The following CXXC4 variants were observed in gnomAD, a reference collection of about 807,000 sequenced individuals.
CXXC4 encodes CXXC finger protein 4, also known as CXXC-type zinc finger protein 4.
In CXXC4, 5 loss-of-function variants were observed where a neutral mutation model predicts 20.5. The ratio of observed to expected loss-of-function variants is 0.24; its 90% CI spans 0.13 to 0.51. CXXC4 has a LOEUF of 0.51. Among genes scored for constraint, CXXC4 ranks in the 20% least tolerant of loss-of-function variants. The pLI is 0.97. For missense variants in CXXC4, 419 were observed against 496.4 expected (o/e 0.84, Z 1.48); for synonymous variants, 250 against 216.4 (o/e 1.16, Z -1.36).
At chr4:104,486,280 A>G (rs1162580463) in intron 2 of CXXC4, among the ~76,000 whole-genome samples, 2 of 152,086 alleles carry the variant, frequency 1.3e-5, no homozygotes, top group Admixed American at 6.5e-5. Flanking sequence ...GTACAACATG[A>G]TATTTTGAAG....
At chr4:104,477,998 G>A (rs953994214) in intron 2 of CXXC4, among the ~76,000 whole-genome samples, 1 of 152,026 alleles carries the variant, frequency 6.6e-6, no homozygotes, top group Non-Finnish European at 1.5e-5. Flanking sequence ...TTTAAAAAGG[G>A]GAAAGCACCA....
Position 104,491,993 on chromosome 4 carries a change from G to T in CXXC4, c.-191C>A. 1 of 405,892 alleles carries T rather than the reference G, an allele frequency of 2.5e-6. No individual in the cohort carries two copies. The highest frequency in any genetic ancestry group is 4.3e-6 in the Non-Finnish European group (1 of 230,016). The allele number at this position is 405,892 out of a possible 1,614,324, so 25.1% of individuals were successfully genotyped here. A position where few individuals can be genotyped will look rare whatever the true frequency, so the allele number is the denominator to read the frequency against. ...GAGGGCTGCTTTATTCCTCTCTGGG[G>T]CTCATTTCCACAGACGGTGAATTCC... is the stretch of plus-strand genomic sequence containing the variant. On this transcript the variant is annotated 5_prime_UTR_variant, in exon 2 of 3. Transcript: ENST00000394767.
At position 104,491,568 on chromosome 4, in the gene CXXC4, C is replaced by T. The variant is rs1342319279; in HGVS notation, c.235G>A (p.Ala79Thr). 1 of 1,472,972 alleles carries T rather than the reference C, an allele frequency of 6.8e-7. No homozygotes were observed. The highest frequency in any genetic ancestry group is 9.1e-7 in the Non-Finnish European group (1 of 1,104,704). 91.2% of individuals were successfully genotyped at this position (1,472,972 alleles called of 1,614,324 possible). A position where few individuals can be genotyped will look rare whatever the true frequency, so the allele number is the denominator to read the frequency against. ...PIFPSSAAAA[A>T]AAARIGMSPW... is the part of the protein sequence containing the mutation. Reference sequence around the variant, plus strand: ...GACATGCCGATGCGCGCGGCGGCCGCGGCGGCGGCGGCGCTGCTGGGGAAG... The same window carrying T: ...GACATGCCGATGCGCGCGGCGGCCGTGGCGGCGGCGGCGCTGCTGGGGAAG... Residue 79 changes from alanine (A) to threonine (T), a missense_variant, in exon 2 of 3, where the codon GCG (alanine) becomes ACG (threonine). Ala to Thr is a moderately conservative substitution (Grantham distance 58, BLOSUM62 0). Transcript: ENST00000394767.
At chr4:104,475,033 AT>A (rs1304906302) in intron 2 of CXXC4, 1 of 152,150 alleles carries the variant, frequency 6.6e-6, no homozygotes. Flanking sequence ...AGCAGTACAA[AT>A]TAATTAAACA....
intron 2 of CXXC4, among the ~76,000 whole-genome samples, chr4:104,484,720 C>CT (rs1168796330): frequency 1.3e-5 from 2 of 151,978 alleles, no homozygotes; most frequent in African/African-American, 4.8e-5. Flanking sequence ...AACAAGCCTG[C>CT]TGGGATCCTT....
chr4:104,486,814 T>G (rs1000888015), intron 2 of CXXC4, among the ~76,000 whole-genome samples: 2 of 152,150 alleles, frequency 1.3e-5, no homozygotes, highest in Non-Finnish European at 2.9e-5. Context: ...CTATTTTACA[T>G]CTGGTCTACA....
chr4:104,493,581 A>AT (rs1418524840), intron 1 of CXXC4, among the ~76,000 whole-genome samples: 2 of 152,340 alleles, frequency 1.3e-5, no homozygotes, highest in South Asian at 2.1e-4. Context: ...GTAAATCAAG[A>AT]TAAGGAACCT....
At chr4:104,486,700 T>G (rs770184515) in intron 2 of CXXC4, among the ~76,000 whole-genome samples, 2 of 152,136 alleles carry the variant, frequency 1.3e-5, no homozygotes, top group African/African-American at 4.8e-5. Flanking sequence ...CACAAAACAT[T>G]TGCATTTTAT....
chr4:104,474,555 C>G (rs979939234), intron 2 of CXXC4, among the ~76,000 whole-genome samples: 1 of 151,898 alleles, frequency 6.6e-6, no homozygotes, highest in Non-Finnish European at 1.5e-5. Flanking sequence ...AGTATGCACA[C>G]TTATATAAAT....
rs1291463076 is a variant in CXXC4, at chr4:104,491,458, C to CCCG, written c.342_344dup (p.Gly134dup). ...CGCCGCCGCCGCCGCCGCCACCCCC[C>CCCG]CCGCCGCCGCCCCCGCCCCCGCCGC... On this transcript the variant is annotated inframe_insertion, in exon 2 of 3. Coordinates refer to ENST00000394767, the MANE Select transcript of CXXC4 (RefSeq NM_025212.4). 37 of 885,096 alleles carry CCCG rather than the reference C, an allele frequency of 4.2e-5. No individual in the cohort carries two copies. Among genetic ancestry groups the CCCG allele is most frequent in the Non-Finnish European group, 5.0e-5 (36 of 717,706 alleles). The allele number at this position is 885,096 out of a possible 1,614,324, so 54.8% of individuals were successfully genotyped here.
At position 104,470,414 on chromosome 4, in the gene CXXC4, A is replaced by G. The variant is rs1189110480; in HGVS notation, c.*1908T>C. ...ACTGTGGACCATGTATTCATACTCT[A>G]CGTGAGGTAAGTCACACTTGATTTT... On this transcript the variant is annotated 3_prime_UTR_variant, in exon 3 of 3. Transcript: ENST00000394767. 6.6e-6 allele frequency: 1 copy of G among 152,028 alleles called. No individual in the cohort carries two copies. The highest frequency in any genetic ancestry group is 1.5e-5 in the Non-Finnish European group (1 of 67,964). The allele number at this position is 152,028 out of a possible 1,614,324, so 9.4% of individuals were successfully genotyped here.
rs1216455587 is a variant in CXXC4 at position 104,491,676 on chromosome 4, G to A, written c.127C>T (p.Arg43Cys). Residue 43 changes from arginine (R) to cysteine (C), a missense_variant, in exon 2 of 3, where the codon CGC (arginine) becomes TGC (cysteine). This residue lies in a region of CXXC4 where 388 missense variants were observed against 416.0 expected (regional missense o/e 0.93). Transcript: ENST00000394767. ...VDYNSEMERY[R>C]SFATSFYKTN... ...TTGTAGAAGGAGGTGGCAAAGGAGCGGTAGCGCTCCATTTCCGAGTTGTAA... is the reference window on the plus strand; with the variant it reads ...TTGTAGAAGGAGGTGGCAAAGGAGCAGTAGCGCTCCATTTCCGAGTTGTAA... 4 of 1,545,376 alleles carry A rather than the reference G, an allele frequency of 2.6e-6. No homozygotes were observed. Among genetic ancestry groups the A allele is most frequent in the Middle Eastern group, 1.7e-4 (1 of 5,976 alleles).
chr4:104,474,094 A>G (rs1365759926), intron 2 of CXXC4, among the ~76,000 whole-genome samples: 1 of 152,044 alleles, frequency 6.6e-6, no homozygotes, highest in Non-Finnish European at 1.5e-5. Context: ...AGAACAAATC[A>G]TTGATAAATG....
rs917291133 is a variant in CXXC4 at position 104,492,006 on chromosome 4, G to A, written c.-204C>T. 1 of 397,346 alleles carries A rather than the reference G, an allele frequency of 2.5e-6. No homozygotes were observed. The highest frequency in any genetic ancestry group is 2.1e-5 in the African/African-American group (1 of 48,530). 24.6% of individuals were successfully genotyped at this position (397,346 alleles called of 1,614,324 possible). A position where few individuals can be genotyped will look rare whatever the true frequency, so the allele number is the denominator to read the frequency against. The stretch of plus-strand genomic sequence containing the variant: ...TTCCTCTCTGGGGCTCATTTCCACA[G>A]ACGGTGAATTCCCAGGCAGCGTCTT... On this transcript the variant is annotated 5_prime_UTR_variant, in exon 2 of 3. Transcript: ENST00000394767.
At chr4:104,473,638 C>A (rs546372065) in intron 2 of CXXC4, among the ~76,000 whole-genome samples, 77 of 151,828 alleles carry the variant, frequency 5.1e-4, no homozygotes, top group Non-Finnish European at 7.5e-4. Flanking sequence ...TTAGACTAGC[C>A]CAACAAGCCT....
In CXXC4 at chr4:104,491,596, G is replaced by A. The variant is rs1477634635; in HGVS notation, c.207C>T (p.Pro69=). The part of the protein sequence containing the change: ...QAAKIARITT[P]IFPSSAAAAA... ...CGGCGGCGGCGCTGCTGGGGAAGAT[G>A]GGGGTGGTGATGCGCGCGATCTTGG... is the stretch of plus-strand genomic sequence containing the variant. Residue 69 remains proline (P), a synonymous_variant, in exon 2 of 3, where the codon CCC becomes CCT. Coordinates refer to ENST00000394767, the MANE Select transcript of CXXC4 (RefSeq NM_025212.4). 1 of 1,538,560 alleles carries A rather than the reference G, an allele frequency of 6.5e-7. No individual in the cohort carries two copies. Among genetic ancestry groups the A allele is most frequent in the Non-Finnish European group, 8.8e-7 (1 of 1,142,092 alleles).
At chr4:104,482,589 G>A (rs1401799687) in intron 2 of CXXC4, among the ~76,000 whole-genome samples, 1 of 152,038 alleles carries the variant, frequency 6.6e-6, no homozygotes, top group South Asian at 2.1e-4. Context: ...TGCCAATAGA[G>A]AAGTTATTCC....
intron 2 of CXXC4, among the ~76,000 whole-genome samples, chr4:104,476,369 C>A (rs1464299916): frequency 6.6e-6 from 1 of 152,124 alleles, no homozygotes; most frequent in Non-Finnish European, 1.5e-5. Flanking sequence ...AAGAATGCAT[C>A]TACATATTCT....
Position 104,491,677 on chromosome 4 carries a change from G to A in CXXC4, c.126C>T (p.Tyr42=). 1 of 1,545,140 alleles carries A rather than the reference G, an allele frequency of 6.5e-7. No homozygotes were observed. Residue 42 remains tyrosine, a synonymous_variant, in exon 2 of 3, where the codon TAC becomes TAT. Transcript: ENST00000394767. ...TGTAGAAGGAGGTGGCAAAGGAGCGGTAGCGCTCCATTTCCGAGTTGTAAT... is the reference window on the plus strand; with the variant it reads ...TGTAGAAGGAGGTGGCAAAGGAGCGATAGCGCTCCATTTCCGAGTTGTAAT... ...LVDYNSEMER[Y]RSFATSFYKT... is the part of the protein sequence containing the mutation.
Sources: allele counts gnomAD v4.1 joint callset (sites outside exome capture counted in the v4.1 genomes callset), GRCh38; gene constraint gnomAD v4.1.1; regional missense constraint gnomAD v4.1.1; transcripts MANE v1.5; gene names NCBI Gene and HGNC (gene_info 2026-07-23, HGNC 2026-07-21).